SNX31: variants seen among roughly 807,000 people sequenced by gnomAD.
SNX31 encodes the protein sorting nexin-31.
In SNX31, 58 loss-of-function variants were observed where a neutral mutation model predicts 65.4. That is an observed-to-expected ratio of 0.89 (90% confidence interval 0.72 to 1.10). The LOEUF (loss-of-function observed/expected upper bound fraction) is 1.10, where lower values mean the gene tolerates loss of function less well. Ranked by LOEUF, SNX31 falls within the 50% of genes least tolerant of loss-of-function variation. SNX31 has a pLI of 0.00. For missense variants in SNX31, 523 were observed against 529.7 expected (o/e 0.99, Z 0.12); for synonymous variants, 181 against 190.1 (o/e 0.95, Z 0.39).
At position 100,617,649 on chromosome 8, in the gene SNX31, T is replaced by G. The variant is rs1817331684; in HGVS notation, c.403A>C (p.Thr135Pro). The G allele has an allele frequency of 6.2e-7, 1 of 1,613,252 alleles. No individual in the cohort carries two copies. The highest frequency in any genetic ancestry group is 1.7e-5 in the Admixed American group (1 of 59,996). ...NEQSIRIEII[T>P]SDTAERVLEV... is the part of the protein sequence containing the mutation. ...AGGACTCTTTCAGCAGTGTCTGATG[T>G]TATAATTTCGATTCTAATACTCTGT... The change falls in exon 5 of 14, where the codon ACA becomes CCA. Residue 135 changes from threonine to proline, a missense_variant. Coordinates refer to ENST00000311812, the MANE Select transcript of SNX31 (RefSeq NM_152628.4).
intron 12 of SNX31, 133 bp from the exon 13 acceptor site, chr8:100,577,208 A>G: frequency 4.3e-6 from 3 of 699,692 alleles, no homozygotes; most frequent in Non-Finnish European, 7.3e-6. Context: ...CAGCAGGTAC[A>G]CCTGCTTGTC....
At chr8:100,595,314 GTT>G (rs1168302108) in intron 10 of SNX31, among the ~76,000 whole-genome samples, 2 of 125,516 alleles carry the variant, frequency 1.6e-5, no homozygotes, top group Admixed American at 7.7e-5. Context: ...GGAATTTGTT[GTT>G]TTTTTTTTTT....
chr8:100,598,479 G>C (rs1407942501), intron 9 of SNX31, among the ~76,000 whole-genome samples: 1 of 149,852 alleles, frequency 6.7e-6, no homozygotes, highest in Non-Finnish European at 1.5e-5. Flanking sequence ...TGAGCTAAAA[G>C]AAAGGAAAGT....
chr8:100,618,203 A>G (rs1817400393), intron 4 of SNX31: 1 of 1,439,868 alleles, frequency 6.9e-7, no homozygotes, highest in African/African-American at 1.4e-5. Flanking sequence ...TTTGTGGGGT[A>G]TAGTGGAGGC....
At chr8:100,643,800 C>G (rs912833146) in intron 2 of SNX31, among the ~76,000 whole-genome samples, 4 of 152,186 alleles carry the variant, frequency 2.6e-5, no homozygotes, top group Non-Finnish European at 5.9e-5. Context: ...TCCATACCCA[C>G]AAGCCTTCAT....
rs1316775931 is a variant in SNX31, at chr8:100,648,254, C to T, written c.141+1020G>A. 1.3e-5 allele frequency among the ~76,000 whole-genome samples: 2 copies of T among 150,506 alleles called. No individual in the cohort carries two copies. Among genetic ancestry groups the T allele is most frequent in the Non-Finnish European group, 3.0e-5 (2 of 67,474 alleles). The stretch of plus-strand genomic sequence containing the variant: ...AACCCAGAGACTGTCTGAAAAAACT[C>T]TCTCAAAACAAGCAAACAAACAAAA... On this transcript the variant is annotated intron_variant, in intron 2 of 13. Coordinates refer to ENST00000311812, the MANE Select transcript of SNX31 (RefSeq NM_152628.4). This position sits in a 1 kb window ranked among gnomAD's most constrained non-coding sequence, Gnocchi z 4.3.
rs1458064972 is a variant in SNX31, at chr8:100,625,300, C to T, written c.321+5027G>A. ...AGAGGAACATTCTTAAGAATGTTTTCCATTTCCCTTGTAGAGAAATGACAG... is the reference window on the plus strand; with the variant it reads ...AGAGGAACATTCTTAAGAATGTTTTTCATTTCCCTTGTAGAGAAATGACAG... On this transcript the variant is annotated intron_variant, in intron 4 of 13. Coordinates refer to ENST00000311812, the MANE Select transcript of SNX31 (RefSeq NM_152628.4). The surrounding 1 kb of genome is among the most constrained non-coding windows in gnomAD (Gnocchi z 4.2). Among the ~76,000 whole-genome samples, 4 of 150,042 alleles carry T rather than the reference C, an allele frequency of 2.7e-5. No homozygotes were observed. The highest frequency in any genetic ancestry group is 4.4e-5 in the Non-Finnish European group (3 of 67,630).
chr8:100,625,681 T>C lies in SNX31; in HGVS notation c.321+4646A>G, dbSNP rs572814932. Among the ~76,000 whole-genome samples the C allele has an allele frequency of 6.6e-6, 1 of 152,162 alleles. No individual in the cohort carries two copies. The highest frequency in any genetic ancestry group is 1.5e-5 in the Non-Finnish European group (1 of 68,016). On this transcript the variant is annotated intron_variant, in intron 4 of 13. Coordinates refer to ENST00000311812, the MANE Select transcript of SNX31 (RefSeq NM_152628.4). This position sits in a 1 kb window ranked among gnomAD's most constrained non-coding sequence, Gnocchi z 4.2. ...GAAGGGCTGCCAAGTGCGTTGAAAA[T>C]TGAACCTGGTCAGGAAGGAGGGAAT...
intron 12 of SNX31, among the ~76,000 whole-genome samples, chr8:100,579,722 T>C (rs1813331251): frequency 6.6e-6 from 1 of 152,102 alleles, no homozygotes; most frequent in Admixed American, 6.6e-5. Flanking sequence ...TAGTTGAGGA[T>C]GGAGTAAGAG....
At position 100,578,509 on chromosome 8, in the gene SNX31, C is replaced by T. The variant is rs764329709; in HGVS notation, c.1171-1434G>A. On this transcript the variant is annotated intron_variant, in intron 12 of 13. Coordinates refer to ENST00000311812, the MANE Select transcript of SNX31 (RefSeq NM_152628.4). This position sits in a 1 kb window ranked among gnomAD's most constrained non-coding sequence, Gnocchi z 4.7. Reference sequence around the variant, plus strand: ...TGCTTACTTCTCATGAGAATATAGACGGAGACATTTAAAAATAAGTGGGCT... The same window carrying T: ...TGCTTACTTCTCATGAGAATATAGATGGAGACATTTAAAAATAAGTGGGCT... 1.1e-4 allele frequency among the ~76,000 whole-genome samples: 17 copies of T among 152,062 alleles called. No homozygotes were observed. Among genetic ancestry groups the T allele is most frequent in the Middle Eastern group, 3.4e-3 (1 of 294 alleles).
intron 10 of SNX31, among the ~76,000 whole-genome samples, chr8:100,589,302 A>C (rs1178696640): frequency 7.3e-5 from 4 of 54,940 alleles, no homozygotes; most frequent in African/African-American, 4.3e-4. Flanking sequence ...ACTTCGTCTC[A>C]AAAAAAAAAA....
At chr8:100,661,286 G>C (rs1008392513) in intron 1 of SNX31, among the ~76,000 whole-genome samples, 1 of 152,018 alleles carries the variant, frequency 6.6e-6, no homozygotes, top group African/African-American at 2.4e-5. Flanking sequence ...GATTACAGGC[G>C]TGAGCCACTG....
chr8:100,591,477 A>C (rs1243418895), intron 10 of SNX31, among the ~76,000 whole-genome samples: 1 of 129,272 alleles, frequency 7.7e-6, no homozygotes, highest in Non-Finnish European at 1.6e-5. Flanking sequence ...CAACAGAGTG[A>C]GACTCCGTCT....
chr8:100,652,456 G>A (rs567965465), upstream of SNX31, among the ~76,000 whole-genome samples: 2 of 152,302 alleles, frequency 1.3e-5, no homozygotes, highest in East Asian at 1.9e-4. Context: ...TGCTTCTTAT[G>A]AGCCAGGCGC....
At chr8:100,623,642 A>G (rs1430075176) in intron 4 of SNX31, among the ~76,000 whole-genome samples, 12 of 151,944 alleles carry the variant, frequency 7.9e-5, no homozygotes, top group Non-Finnish European at 1.5e-5. Flanking sequence ...TTTGACCTAC[A>G]CTCAATTTAA....
chr8:100,630,921 G>A lies in SNX31; in HGVS notation c.257-530C>T, dbSNP rs1463567271. Among the ~76,000 whole-genome samples, 1 of 152,088 alleles carries A rather than the reference G, an allele frequency of 6.6e-6. No individual in the cohort carries two copies. The highest frequency in any genetic ancestry group is 1.9e-4 in the East Asian group (1 of 5,176). ...TCTTGCCTCAGCCTCTGAAGTAGCT[G>A]GGATTACAGGCACTCACCACCATGC... On this transcript the variant is annotated intron_variant, in intron 3 of 13. Transcript: ENST00000311812. This position sits in a 1 kb window ranked among gnomAD's most constrained non-coding sequence, Gnocchi z 5.3.
Position 100,588,710 on chromosome 8 carries a change from A to G in SNX31, c.1092+156T>C, listed in dbSNP as rs1266160425. ...TGACTAGTAAAATATAACAAAACATAAAACAAAATAAAAGGTATTACGGTC... is the reference window on the plus strand; with the variant it reads ...TGACTAGTAAAATATAACAAAACATGAAACAAAATAAAAGGTATTACGGTC... On this transcript the variant is annotated intron_variant, in intron 11 of 13. Coordinates refer to ENST00000311812, the MANE Select transcript of SNX31 (RefSeq NM_152628.4). The surrounding 1 kb of genome is among the most constrained non-coding windows in gnomAD (Gnocchi z 4.8). 6.6e-6 allele frequency among the ~76,000 whole-genome samples: 1 copy of G among 152,230 alleles called. No individual in the cohort carries two copies. The highest frequency in any genetic ancestry group is 1.5e-5 in the Non-Finnish European group (1 of 68,042).
At chr8:100,583,285 T>C (rs1374923823) in intron 12 of SNX31, among the ~76,000 whole-genome samples, 1 of 152,056 alleles carries the variant, frequency 6.6e-6, no homozygotes, top group East Asian at 2.0e-4. Context: ...TTCGTATATT[T>C]AGTGGAGATG....
intron 10 of SNX31, among the ~76,000 whole-genome samples, chr8:100,591,238 G>A (rs1814546114): frequency 1.3e-5 from 2 of 152,128 alleles, no homozygotes; most frequent in South Asian, 2.1e-4. Flanking sequence ...TGTTCCCATT[G>A]GCCAGAGCAG....
Sources: gnomAD v4.1 joint callset for allele counts (sites outside exome capture counted in the v4.1 genomes callset) on GRCh38, gnomAD v4.1.1 for gene constraint, Gnocchi (gnomAD v3.1) non-coding constraint, MANE v1.5 for transcripts, NCBI Gene and HGNC (gene_info 2026-07-23, HGNC 2026-07-21) for gene names.